The following CATSPERE variants were observed in gnomAD, a reference collection of about 807,000 sequenced individuals.
The protein encoded by CATSPERE is cation channel sperm-associated auxiliary subunit epsilon.
CATSPERE carries 93 observed loss-of-function variants against 114.1 expected under a neutral mutation model. The ratio of observed to expected loss-of-function variants is 0.81; its 90% CI spans 0.69 to 0.97. The LOEUF (loss-of-function observed/expected upper bound fraction) is 0.97, where lower values mean the gene tolerates loss of function less well. CATSPERE is among the 50% of genes least tolerant of loss of function. The pLI, the probability that CATSPERE is intolerant of heterozygous loss-of-function variation, is 0.00. For synonymous variants in CATSPERE, 341 were observed against 384.1 expected (o/e 0.89, Z 1.31); for missense variants, 1,058 against 1,131.6 (o/e 0.93, Z 0.93).
chr1:244,625,432 A>ATTTGTTTTTT (rs1673049367), intron 20 of CATSPERE, among the ~76,000 whole-genome samples: 1 of 3,986 alleles, frequency 2.5e-4, no homozygotes, highest in African/African-American at 7.0e-4. Context: ...ATATATATAT[A>ATTTGTTTTTT]TTTTTTTTTT....
chr1:244,501,513 A>C (rs564310975), intron 7 of CATSPERE, among the ~76,000 whole-genome samples: 11 of 152,342 alleles, frequency 7.2e-5, no homozygotes, highest in Middle Eastern at 3.4e-3. Flanking sequence ...TTTAAATAGC[A>C]TATTATCCTA....
At chr1:244,569,442 T>C (rs951203282) in intron 10 of CATSPERE, among the ~76,000 whole-genome samples, 1 of 152,222 alleles carries the variant, frequency 6.6e-6, no homozygotes. Flanking sequence ...CATTTTTGCA[T>C]TGGGTTTATC....
At chr1:244,511,208 T>G (rs1227415412) in intron 7 of CATSPERE, among the ~76,000 whole-genome samples, 1 of 152,184 alleles carries the variant, frequency 6.6e-6, no homozygotes, top group Non-Finnish European at 1.5e-5. Context: ...TATTATTATC[T>G]AATGACTTTC....
At chr1:244,462,823 A>G (rs1445610964) in intron 1 of CATSPERE, among the ~76,000 whole-genome samples, 1 of 152,194 alleles carries the variant, frequency 6.6e-6, no homozygotes, top group Non-Finnish European at 1.5e-5. Context: ...GAATTGCATA[A>G]TGATATCCTA....
At chr1:244,508,376 C>G (rs1000880647) in intron 7 of CATSPERE, among the ~76,000 whole-genome samples, 1 of 150,672 alleles carries the variant, frequency 6.6e-6, no homozygotes, top group Admixed American at 6.6e-5. Context: ...TCTTGGCTCA[C>G]TGCAAGCTCC....
chr1:244,584,701 G>A (rs1036961166), intron 13 of CATSPERE, among the ~76,000 whole-genome samples: 1 of 151,994 alleles, frequency 6.6e-6, no homozygotes, highest in African/African-American at 2.4e-5. Context: ...TTATATATGG[G>A]GAATACAAAG....
chr1:244,455,015 T>A (rs1665999925), intron 1 of CATSPERE, among the ~76,000 whole-genome samples: 1 of 152,116 alleles, frequency 6.6e-6, no homozygotes, highest in South Asian at 2.1e-4. Flanking sequence ...GACAGGAATT[T>A]GGGGATTTTT....
At chr1:244,562,337 T>C (rs1487851015) in intron 10 of CATSPERE, among the ~76,000 whole-genome samples, 1 of 152,176 alleles carries the variant, frequency 6.6e-6, no homozygotes, top group African/African-American at 2.4e-5. Context: ...GGGGTGTAGA[T>C]AGATATTTAG....
intron 8 of CATSPERE, among the ~76,000 whole-genome samples, chr1:244,531,150 C>T (rs544509039): frequency 6.7e-6 from 1 of 150,028 alleles, no homozygotes; most frequent in African/African-American, 2.4e-5. Flanking sequence ...GCAGGAGAAT[C>T]GCTTAAATCC....
chr1:244,638,079 ACTTTCC>A (rs1306114998), intron 21 of CATSPERE, among the ~76,000 whole-genome samples: 2 of 152,164 alleles, frequency 1.3e-5, no homozygotes, highest in African/African-American at 4.8e-5. Context: ...TGTATATTCA[ACTTTCC>A]CTTTCAACTA....
At chr1:244,625,426 A>ATTTTTTTTTTTTTTTT (rs1326525192) in intron 20 of CATSPERE, among the ~76,000 whole-genome samples, 10 of 3,944 alleles carry the variant, frequency 2.5e-3, no homozygotes, top group Non-Finnish European at 5.3e-3. Context: ...ATATATATAT[A>ATTTTTTTTTTTTTTTT]TATATATTTT....
upstream of CATSPERE, chr1:244,451,753 C>T: frequency 1.2e-6 from 2 of 1,602,144 alleles, no homozygotes; most frequent in Non-Finnish European, 8.5e-7. The surrounding 1 kb of genome is among the most constrained non-coding windows in gnomAD (Gnocchi z 6.6). Context: ...GGGCCGCGCC[C>T]TGGGGCGGCC....
chr1:244,560,815 A>G lies in CATSPERE; in HGVS notation c.1177A>G (p.Arg393Gly). ...GGTGACTGCTACTCTGACCATAGAC[A>G]GGGTTGAGTATACAGGACACCCTCT... ...LSVTATLTID[R>G]VEYTGHPLEI... is the part of the protein sequence containing the mutation. The change falls in exon 10 of 22, where the codon AGG becomes GGG. Residue 393 changes from arginine (R) to glycine (G), a missense_variant. Around this residue, in one of 2 missense-constraint regions of CATSPERE, gnomAD observed 787 missense variants for 905.6 expected, o/e 0.87. Coordinates refer to ENST00000366534, the MANE Select transcript of CATSPERE (RefSeq NM_001130957.2). The G allele has an allele frequency of 1.9e-6, 3 of 1,614,092 alleles. No individual in the cohort carries two copies. Among genetic ancestry groups the G allele is most frequent in the Non-Finnish European group, 2.5e-6 (3 of 1,179,970 alleles).
intron 17 of CATSPERE, among the ~76,000 whole-genome samples, chr1:244,595,328 G>A (rs1471899169): frequency 2.0e-5 from 3 of 152,170 alleles, no homozygotes; most frequent in South Asian, 2.1e-4. Context: ...TAAAGAGAGC[G>A]AGGCTCTGGG....
At chr1:244,565,690 G>C (rs1357705898) in intron 10 of CATSPERE, among the ~76,000 whole-genome samples, 2 of 151,966 alleles carry the variant, frequency 1.3e-5, no homozygotes, top group African/African-American at 2.4e-5. Context: ...CAAAAAACCA[G>C]CTCCTGGTTT....
Position 244,461,434 on chromosome 1 carries a change from C to A in CATSPERE, c.5C>A (p.Ser2Ter). The A allele has an allele frequency of 2.9e-6, 4 of 1,382,280 alleles. No homozygotes were observed. The highest frequency in any genetic ancestry group is 3.8e-6 in the Non-Finnish European group (4 of 1,058,152). The allele number at this position is 1,382,280 out of a possible 1,614,324, so 85.6% of individuals were successfully genotyped here. A position where few individuals can be genotyped will look rare whatever the true frequency, so the allele number is the denominator to read the frequency against. Residue 2 changes from serine (S) to a stop codon, truncating the protein, a stop_gained, in exon 1 of 22, where the codon TCA becomes TAA. Transcript: ENST00000366534. LOFTEE classifies it high-confidence loss of function. M[S>*]AREVAVLLLW... ...GGCGGAGGCGGAGCAGGCGCCATGT[C>A]AGCCCGGGAAGTGGCCGTGCTGCTG...
At chr1:244,487,032 G>C (rs1380722066) in intron 5 of CATSPERE, among the ~76,000 whole-genome samples, 1 of 151,346 alleles carries the variant, frequency 6.6e-6, no homozygotes, top group Non-Finnish European at 1.5e-5. Flanking sequence ...GTACTCGTGG[G>C]CCAGGTACAG....
intron 11 of CATSPERE, among the ~76,000 whole-genome samples, chr1:244,580,781 G>C (rs143188807): frequency 6.6e-6 from 1 of 151,908 alleles, no homozygotes; most frequent in Admixed American, 6.6e-5. Flanking sequence ...CAGGTGGATC[G>C]CCTGAGGTCG....
rs542267389 is a variant in CATSPERE, at chr1:244,612,821, G to A, written c.2490+2495G>A. On this transcript the variant is annotated intron_variant, in intron 19 of 21. Coordinates refer to ENST00000366534, the MANE Select transcript of CATSPERE (RefSeq NM_001130957.2). ...GGATTACAGGCGCGGCACCACGCCC[G>A]GCCAGGAGATTTGTTTTCTAAGTGA... is the stretch of plus-strand genomic sequence containing the variant. Among the ~76,000 whole-genome samples the A allele has an allele frequency of 1.7e-4, 26 of 152,194 alleles. No homozygotes were observed. In the South Asian group the frequency reaches 5.0e-3, roughly 29 times the overall value.
Sources: allele counts gnomAD v4.1 joint callset (sites outside exome capture counted in the v4.1 genomes callset), GRCh38; gene constraint gnomAD v4.1.1; regional missense constraint gnomAD v4.1.1; non-coding constraint Gnocchi (gnomAD v3.1); transcripts MANE v1.5; gene names NCBI Gene and HGNC (gene_info 2026-07-23, HGNC 2026-07-21).